SNX25: variants seen among roughly 807,000 people sequenced by gnomAD.
SNX25 encodes the protein sorting nexin-25.
Under a neutral mutation model 113.7 loss-of-function variants are expected in SNX25, and 62 were observed. That is an observed-to-expected ratio of 0.55 (90% CI 0.44 to 0.67). SNX25 has a LOEUF of 0.67. Among genes scored for constraint, SNX25 ranks in the 30% least tolerant of loss-of-function variants. SNX25 has a pLI of 0.00. For missense variants in SNX25, 1,014 were observed against 1,161.0 expected (o/e 0.87, Z 1.84); for synonymous variants, 421 against 436.2 (o/e 0.97, Z 0.43).
chr4:185,322,954 A>G (rs1229988839), intron 8 of SNX25, among the ~76,000 whole-genome samples: 1 of 152,242 alleles, frequency 6.6e-6, no homozygotes, highest in Non-Finnish European at 1.5e-5. Context: ...GAGGAACTGT[A>G]AAGATTATGT....
upstream of SNX25, among the ~76,000 whole-genome samples, chr4:185,208,824 A>G (rs1370806838): frequency 6.6e-6 from 1 of 152,254 alleles, no homozygotes; most frequent in Non-Finnish European, 1.5e-5. Flanking sequence ...TAGTCTTAGC[A>G]GTAATTGCCA....
chr4:185,231,990 C>G (rs975333053), intron 1 of SNX25, among the ~76,000 whole-genome samples: 1 of 152,144 alleles, frequency 6.6e-6, no homozygotes, highest in African/African-American at 2.4e-5. Context: ...TGGGGCCCAG[C>G]TTTTCACTTC....
chr4:185,291,897 A>G (rs1752225275), intron 6 of SNX25, among the ~76,000 whole-genome samples: 3 of 152,174 alleles, frequency 2.0e-5, no homozygotes, highest in Non-Finnish European at 4.4e-5. Flanking sequence ...GGACTTCAAC[A>G]TATCTTTTTG....
rs143714672 is a variant in SNX25 at position 185,299,527 on chromosome 4, G to T, written c.1163-11108G>T. ...AGTTTGCATTACCGACTGGTTCCCT[G>T]ATGATGCTTGTGCTGCCTGTCCAGG... On this transcript the variant is annotated intron_variant, in intron 6 of 18. Transcript: ENST00000652585. Among the ~76,000 whole-genome samples the T allele has an allele frequency of 9.9e-5, 15 of 152,264 alleles. No homozygotes were observed. In the East Asian group the frequency reaches 2.9e-3, roughly 29 times the overall value.
At chr4:185,300,381 C>G (rs1753478244) in intron 6 of SNX25, among the ~76,000 whole-genome samples, 1 of 148,056 alleles carries the variant, frequency 6.8e-6, no homozygotes, top group Non-Finnish European at 1.5e-5. Context: ...GCTGGCCAAA[C>G]TGGTCTTGAA....
At chr4:185,317,784 G>T (rs1288865622) in intron 7 of SNX25, among the ~76,000 whole-genome samples, 1 of 152,078 alleles carries the variant, frequency 6.6e-6, no homozygotes, top group Non-Finnish European at 1.5e-5. Context: ...GGGGCCTGTC[G>T]GGGGGTGAGG....
rs1435479054 is a variant in SNX25, at chr4:185,209,936, C to A, written c.110C>A (p.Ser37Tyr). The change falls in exon 1 of 19, where the codon TCC becomes TAC. Residue 37 changes from serine (S) to tyrosine (Y), a missense_variant. By Grantham distance (144) the Ser-to-Tyr change is moderately radical (BLOSUM62 -2). Transcript: ENST00000652585. This position sits in a 1 kb window ranked among gnomAD's most constrained non-coding sequence, Gnocchi z 5.2. ...SGFRGERRPE[S>Y]PGDAEAAAAA... ...TTCAGGGGCGAGCGGCGGCCGGAGT[C>A]CCCGGGGGACGCGGAGGCAGCAGCA... 2 of 983,460 alleles carry A rather than the reference C, an allele frequency of 2.0e-6. No individual in the cohort carries two copies. The highest frequency in any genetic ancestry group is 2.4e-6 in the Non-Finnish European group (2 of 829,218). 60.9% of individuals were successfully genotyped at this position (983,460 alleles called of 1,614,324 possible).
intron 15 of SNX25, 84 bp from the exon 16 acceptor site, chr4:185,357,584 GGTA>G: frequency 2.7e-6 from 3 of 1,091,776 alleles, no homozygotes; most frequent in Non-Finnish European, 4.2e-6. Flanking sequence ...CATCTTAAGT[GGTA>G]AGATTTATGC....
Position 185,273,919 on chromosome 4 carries a change from C to T in SNX25, c.1091+6764C>T, listed in dbSNP as rs184272141. Among the ~76,000 whole-genome samples, 121 of 152,256 alleles carry T rather than the reference C, an allele frequency of 7.9e-4. 1 individual carries two copies. The highest frequency in any genetic ancestry group is 3.4e-3 in the Middle Eastern group (1 of 294). ...CCATCCTTCTCAAGGAGCCAGACTC[C>T]TTCCAGCTCACTGCTCTGCCATCCT... On this transcript the variant is annotated intron_variant, in intron 5 of 18. Transcript: ENST00000652585.
At chr4:185,293,181 A>G (rs1286081484) in intron 6 of SNX25, among the ~76,000 whole-genome samples, 1 of 152,196 alleles carries the variant, frequency 6.6e-6, no homozygotes, top group African/African-American at 2.4e-5. Flanking sequence ...GAAACTGGAA[A>G]CCTTATACAT....
At chr4:185,256,219 A>C (rs1277323838) in intron 2 of SNX25, among the ~76,000 whole-genome samples, 1 of 152,114 alleles carries the variant, frequency 6.6e-6, no homozygotes, top group Non-Finnish European at 1.5e-5. Flanking sequence ...TGTCTTTGGC[A>C]ATTAATTGTT....
rs542846618 is a variant in SNX25, at chr4:185,277,942, C to T, written c.1092-10070C>T. Among the ~76,000 whole-genome samples, 11 of 48,996 alleles carry T rather than the reference C, an allele frequency of 2.2e-4. 5 individuals are homozygous for T. The South Asian group carries it at 6.1e-3, about 27-fold the overall frequency. The allele number at this position is 48,996 out of a possible 152,430, so 32.1% of individuals were successfully genotyped here. A position where few individuals can be genotyped will look rare whatever the true frequency, so the allele number is the denominator to read the frequency against. ...AGAGACGGGGTTTCACCGTTTTAGCCGGGATGGTCTCGATCTCCTGACCTC... is the reference window on the plus strand; with the variant it reads ...AGAGACGGGGTTTCACCGTTTTAGCTGGGATGGTCTCGATCTCCTGACCTC... On this transcript the variant is annotated intron_variant, in intron 5 of 18. Coordinates refer to ENST00000652585, the MANE Select transcript of SNX25 (RefSeq NM_001378034.2).
intron 8 of SNX25, 36 bp downstream of exon 8, chr4:185,320,900 A>G (rs375740020): frequency 1.3e-6 from 2 of 1,525,222 alleles, no homozygotes; most frequent in Non-Finnish European, 1.8e-6. Flanking sequence ...ATTAATCACT[A>G]GCTGATGTAA....
In SNX25 at chr4:185,234,448, C is replaced by T. The variant is rs562423994; in HGVS notation, c.430-12846C>T. 3.7e-4 allele frequency among the ~76,000 whole-genome samples: 7 copies of T among 19,034 alleles called. 2 individuals are homozygous for T. In the East Asian group the frequency reaches 0.019, roughly 52 times the overall value. 12.5% of individuals were successfully genotyped at this position (19,034 alleles called of 152,430 possible). A position where few individuals can be genotyped will look rare whatever the true frequency, so the allele number is the denominator to read the frequency against. On this transcript the variant is annotated intron_variant, in intron 1 of 18. Transcript: ENST00000652585. ...CTGTAATCCCAGCACTTTGGGAGGCCGAGGCGGGCGGATCACGAGGTCAGG... is the reference window on the plus strand; with the variant it reads ...CTGTAATCCCAGCACTTTGGGAGGCTGAGGCGGGCGGATCACGAGGTCAGG...
downstream of SNX25, chr4:185,374,161 T>C (rs1335684247): frequency 6.2e-7 from 1 of 1,614,160 alleles, no homozygotes; most frequent in Admixed American, 1.7e-5. Context: ...GGCTCCTTGG[T>C]TGAGTAATAC....
chr4:185,239,582 G>A (rs376222965), intron 1 of SNX25, among the ~76,000 whole-genome samples: 5 of 151,942 alleles, frequency 3.3e-5, no homozygotes, highest in Non-Finnish European at 5.9e-5. Flanking sequence ...AAACTCACTG[G>A]GTGATTAAAA....
intron 5 of SNX25, among the ~76,000 whole-genome samples, chr4:185,272,726 C>A (rs1749121514): frequency 6.6e-6 from 1 of 152,106 alleles, no homozygotes. Flanking sequence ...ATTCATTGCA[C>A]CCTAATTATT....
intron 15 of SNX25, 22 bp downstream of exon 15, chr4:185,353,624 T>C: frequency 1.3e-6 from 2 of 1,570,012 alleles, no homozygotes; most frequent in Non-Finnish European, 8.8e-7. Context: ...TGTTATTATT[T>C]AGTGGTATTT....
At chr4:185,302,796 G>A (rs1035010102) in intron 6 of SNX25, among the ~76,000 whole-genome samples, 1 of 152,150 alleles carries the variant, frequency 6.6e-6, no homozygotes, top group Non-Finnish European at 1.5e-5. Flanking sequence ...CCCTGCCATT[G>A]CCCCAAGGGC....
Sources: allele counts gnomAD v4.1 joint callset (sites outside exome capture counted in the v4.1 genomes callset), GRCh38; gene constraint gnomAD v4.1.1; non-coding constraint Gnocchi (gnomAD v3.1); transcripts MANE v1.5; gene names NCBI Gene and HGNC (gene_info 2026-07-23, HGNC 2026-07-21).